RBM20: variants seen among roughly 807,000 people sequenced by gnomAD.
The protein encoded by RBM20 is RNA binding motif protein 20.
In RBM20, 51 loss-of-function variants were observed where a neutral mutation model predicts 110.1. The ratio of observed to expected loss-of-function variants is 0.46; its 90% CI spans 0.37 to 0.59. RBM20 has a LOEUF of 0.59. Among genes scored for constraint, RBM20 ranks in the 20% least tolerant of loss-of-function variants. RBM20 has a pLI of 0.00. For synonymous variants in RBM20, 589 were observed against 618.2 expected (o/e 0.95, Z 0.70); for missense variants, 1,512 against 1,574.9 (o/e 0.96, Z 0.68).
chr10:110,790,105 T>C (rs1844466305), intron 5 of RBM20, among the ~76,000 whole-genome samples: 1 of 152,144 alleles, frequency 6.6e-6, no homozygotes, highest in South Asian at 2.1e-4. Context: ...CTTGTATAAA[T>C]AAGGAAATGG....
At chr10:110,779,127 A>C (rs1186815399) in intron 1 of RBM20, among the ~76,000 whole-genome samples, 1 of 152,208 alleles carries the variant, frequency 6.6e-6, no homozygotes, top group Non-Finnish European at 1.5e-5. Flanking sequence ...TTTGTATGCT[A>C]ATAAGCTGAC....
At chr10:110,723,498 C>G (rs1437471393) in intron 1 of RBM20, among the ~76,000 whole-genome samples, 1 of 152,186 alleles carries the variant, frequency 6.6e-6, no homozygotes, top group African/African-American at 2.4e-5. Context: ...TGAGGAGCAT[C>G]CAAACTGTTT....
chr10:110,767,961 A>T (rs927056074), intron 1 of RBM20, among the ~76,000 whole-genome samples: 1 of 152,160 alleles, frequency 6.6e-6, no homozygotes, highest in Admixed American at 6.5e-5. Context: ...AGTGAACCAG[A>T]CTCCGTCTGC....
chr10:110,748,464 G>C (rs1843811228), intron 1 of RBM20, among the ~76,000 whole-genome samples: 1 of 152,048 alleles, frequency 6.6e-6, no homozygotes, highest in Admixed American at 6.5e-5. Flanking sequence ...TTCATGCCAG[G>C]GTGTGTACCA....
chr10:110,762,675 C>T (rs569951865), intron 1 of RBM20, among the ~76,000 whole-genome samples: 1 of 152,338 alleles, frequency 6.6e-6, no homozygotes, highest in South Asian at 2.1e-4. Flanking sequence ...GCACGGTCCT[C>T]ATCCTTCTTT....
intron 5 of RBM20, among the ~76,000 whole-genome samples, chr10:110,789,602 A>G (rs1564846820): frequency 6.6e-6 from 1 of 152,036 alleles, no homozygotes; most frequent in Non-Finnish European, 1.5e-5. Flanking sequence ...GACTACAGGC[A>G]TGTGCCACCA....
chr10:110,712,162 A>G (rs1195384883), intron 1 of RBM20, among the ~76,000 whole-genome samples: 2 of 152,214 alleles, frequency 1.3e-5, no homozygotes, highest in African/African-American at 4.8e-5. Flanking sequence ...TCAGTAGGAA[A>G]TGATGCATCA....
At chr10:110,827,664 A>AT (rs1261744211) in intron 12 of RBM20, 1 of 152,202 alleles carries the variant, frequency 6.6e-6, no homozygotes, top group Non-Finnish European at 1.5e-5. Flanking sequence ...ACGCAGAGTT[A>AT]TTTCGAGGAT....
intron 1 of RBM20, among the ~76,000 whole-genome samples, chr10:110,746,103 T>C (rs1013038053): frequency 2.2e-4 from 34 of 152,196 alleles, no homozygotes; most frequent in African/African-American, 8.2e-4. Flanking sequence ...GGAATTCATA[T>C]GCGTGGGACC....
intron 5 of RBM20, among the ~76,000 whole-genome samples, chr10:110,795,172 C>A (rs1327194382): frequency 1.3e-5 from 2 of 152,218 alleles, no homozygotes; most frequent in Non-Finnish European, 2.9e-5. Flanking sequence ...GCCACTCTAC[C>A]CTGCTTGAAA....
intron 1 of RBM20, among the ~76,000 whole-genome samples, chr10:110,721,707 A>G (rs1334668193): frequency 6.6e-6 from 1 of 152,158 alleles, no homozygotes; most frequent in Non-Finnish European, 1.5e-5. Context: ...TTTCTCATGG[A>G]ACATCTTAAT....
In RBM20 at chr10:110,769,032, TAAA is replaced by T. The variant is rs1239780300; in HGVS notation, c.192-11768_192-11766del. 5.3e-5 allele frequency among the ~76,000 whole-genome samples: 8 copies of T among 152,324 alleles called. No homozygotes were observed. In the East Asian group the frequency reaches 5.8e-4, roughly 11 times the overall value. ...AAATGGCTTGTGGGACCCAAAGTAA[TAAA>T]GAACAGATTGATTCTATTCTTTTAT... is the stretch of plus-strand genomic sequence containing the variant. On this transcript the variant is annotated intron_variant, in intron 1 of 13. Coordinates refer to ENST00000369519, the MANE Select transcript of RBM20 (RefSeq NM_001134363.3).
At chr10:110,797,993 T>A (rs989148735) in intron 6 of RBM20, among the ~76,000 whole-genome samples, 2 of 152,188 alleles carry the variant, frequency 1.3e-5, no homozygotes, top group Admixed American at 6.5e-5. Flanking sequence ...CTGAGCTAAT[T>A]ATAATCTTAT....
chr10:110,687,727 AG>A, intron 1 of RBM20, among the ~76,000 whole-genome samples: 1 of 152,358 alleles, frequency 6.6e-6, no homozygotes, highest in East Asian at 1.9e-4. Context: ...CCTGTGATAC[AG>A]GGGATGTGAC....
At chr10:110,753,122 A>T (rs992347645) in intron 1 of RBM20, among the ~76,000 whole-genome samples, 2 of 151,480 alleles carry the variant, frequency 1.3e-5, no homozygotes, top group Non-Finnish European at 2.9e-5. Flanking sequence ...TATTTTTAGT[A>T]GAGACGGGGT....
At chr10:110,795,619 C>T (rs367860903) in intron 5 of RBM20, among the ~76,000 whole-genome samples, 2 of 152,198 alleles carry the variant, frequency 1.3e-5, no homozygotes, top group African/African-American at 2.4e-5. Context: ...TTAGCAGAGT[C>T]GGCCCCACAT....
intron 12 of RBM20, among the ~76,000 whole-genome samples, chr10:110,826,491 A>G (rs763606748): frequency 6.7e-4 from 101 of 151,834 alleles, no homozygotes; most frequent in Non-Finnish European, 1.2e-3. Flanking sequence ...AAAGGGAATC[A>G]TATTGTATGT....
At chr10:110,667,436 A>ATG (rs1271436091) in intron 1 of RBM20, among the ~76,000 whole-genome samples, 1 of 151,972 alleles carries the variant, frequency 6.6e-6, no homozygotes, top group Non-Finnish European at 1.5e-5. Flanking sequence ...TTATTTTGTC[A>ATG]TGTGGCTTGA....
Position 110,781,542 on chromosome 10 carries a change from G to A in RBM20, c.933G>A (p.Leu311=), listed in dbSNP as rs761015603. 6.4e-7 allele frequency: 1 copy of A among 1,551,654 alleles called. No homozygotes were observed. Among genetic ancestry groups the A allele is most frequent in the African/African-American group, 1.4e-5 (1 of 73,158 alleles). ...AGGLKSEVGP[L]LQGTNSQWES... ...GCCTGAAAAGTGAGGTCGGGCCACT[G>A]CTGCAGGGCACAAACAGCCAATGGG... Residue 311 remains leucine, a synonymous_variant, in exon 2 of 14, where the codon CTG becomes CTA. Coordinates refer to ENST00000369519, the MANE Select transcript of RBM20 (RefSeq NM_001134363.3).
Sources: gnomAD v4.1 joint callset for allele counts (sites outside exome capture counted in the v4.1 genomes callset) on GRCh38, gnomAD v4.1.1 for gene constraint, MANE v1.5 for transcripts, NCBI Gene and HGNC (gene_info 2026-07-23, HGNC 2026-07-21) for gene names.